The following SLC52A1 variants were observed in gnomAD, a reference collection of about 807,000 sequenced individuals.
SLC52A1 encodes solute carrier family 52 member 1.
Under a neutral mutation model 23.2 loss-of-function variants are expected in SLC52A1, and 20 were observed. That is an observed-to-expected ratio of 0.86 (90% confidence interval 0.61 to 1.25). The LOEUF is 1.25. Ranked by LOEUF, SLC52A1 falls within the 50% of genes most tolerant of loss-of-function variation. SLC52A1 has a pLI of 0.00. For synonymous variants in SLC52A1, 260 were observed against 256.6 expected (o/e 1.01, Z -0.13); for missense variants, 528 against 557.0 (o/e 0.95, Z 0.52).
chr17:5,033,987 C>T lies in SLC52A1; in HGVS notation c.502G>A (p.Gly168Ser), dbSNP rs922011403. The T allele has an allele frequency of 1.2e-5, 20 of 1,613,912 alleles. No individual in the cohort carries two copies. In the African/African-American group the frequency reaches 2.7e-4, roughly 22 times the overall value. ...GGCGCTGGTGGGCACTCGAGGCGGC[C>T]CACACCTTGCACTAGGGCCAGCACA... The part of the protein sequence containing the change: ...PCVLALVQGV[G>S]RLECPPAPTN... The change falls in exon 3 of 5, where the codon GGC (glycine) becomes AGC (serine). Residue 168 changes from glycine to serine, a missense_variant. Physicochemically the swap from Gly to Ser is moderately conservative, Grantham distance 56. Coordinates refer to ENST00000254853, the MANE Select transcript of SLC52A1 (RefSeq NM_017986.4).
chr17:5,033,498 C>T lies in SLC52A1; in HGVS notation c.991G>A (p.Ala331Thr), dbSNP rs184838357. ...SAANPLACFL[A>T]MGVLCRSLAG... The stretch of plus-strand genomic sequence containing the variant: ...TTGCACCTGCACAGCACGCCCATGG[C>T]CAGGAAGCAGGCAAGGGGGTTGGCG... Residue 331 changes from alanine (A) to threonine (T), a missense_variant, in exon 3 of 5, where the codon GCC becomes ACC. Ala to Thr is a moderately conservative substitution (Grantham distance 58). Coordinates refer to ENST00000254853, the MANE Select transcript of SLC52A1 (RefSeq NM_017986.4). 3.7e-6 allele frequency: 6 copies of T among 1,611,940 alleles called. No individual in the cohort carries two copies. Among genetic ancestry groups the T allele is most frequent in the Admixed American group, 1.7e-5 (1 of 59,802 alleles).
At position 5,035,413 on chromosome 17, in the gene SLC52A1, C is replaced by T. The variant is rs989669595; in HGVS notation, c.-660G>A. ...GCACGTCTCTGGTGCCACTTGCAAC[C>T]CTAGCGCTTTTGCGACACTCAGGAC... On this transcript the variant is annotated 5_prime_UTR_variant, in exon 1 of 5. Coordinates refer to ENST00000254853, the MANE Select transcript of SLC52A1 (RefSeq NM_017986.4). The T allele has an allele frequency of 6.6e-6, 1 of 152,338 alleles. No homozygotes were observed. The highest frequency in any genetic ancestry group is 2.4e-5 in the African/African-American group (1 of 41,480). 9.4% of individuals were successfully genotyped at this position (152,338 alleles called of 1,614,324 possible). A position where few individuals can be genotyped will look rare whatever the true frequency, so the allele number is the denominator to read the frequency against.
Position 5,034,575 on chromosome 17 carries a change from A to T in SLC52A1, c.32T>A (p.Leu11Gln). ...AAAAAGGGCCACCAGCAGGTGGGTC[A>T]GCACCAGACGGCCCAGCGTGGGTGC... MAAPTLGRLV[L>Q]THLLVALFGM... Residue 11 changes from leucine (L) to glutamine (Q), a missense_variant, in exon 2 of 5, where the codon CTG becomes CAG. Physicochemically the swap from Leu to Gln is moderately radical, Grantham distance 113. Coordinates refer to ENST00000254853, the MANE Select transcript of SLC52A1 (RefSeq NM_017986.4). 1 of 1,614,250 alleles carries T rather than the reference A, an allele frequency of 6.2e-7. No individual in the cohort carries two copies. Among genetic ancestry groups the T allele is most frequent in the Non-Finnish European group, 8.5e-7 (1 of 1,180,042 alleles).
chr17:5,035,541 G>A (rs977098305), upstream of SLC52A1: 20 of 152,204 alleles, frequency 1.3e-4, no homozygotes, highest in Admixed American at 1.3e-3. Context: ...GGGCATCCCG[G>A]GAGCCGCCAG....
chr17:5,034,384 C>T, intron 2 of SLC52A1, 26 bp from the exon 3 acceptor site: 2 of 1,592,516 alleles, frequency 1.3e-6, no homozygotes, highest in Non-Finnish European at 1.7e-6. Flanking sequence ...GATGCCATGT[C>T]AGGAGCACAG....
chr17:5,038,582 G>T (rs1359723673), upstream of SLC52A1, among the ~76,000 whole-genome samples: 1 of 151,728 alleles, frequency 6.6e-6, no homozygotes, highest in Admixed American at 6.6e-5. Context: ...CATTTATCCA[G>T]CACTTTTCTT....
upstream of SLC52A1, among the ~76,000 whole-genome samples, chr17:5,036,240 G>A (rs1241693755): frequency 6.6e-6 from 1 of 151,072 alleles, no homozygotes; most frequent in Non-Finnish European, 1.5e-5. Context: ...ATGTTAGCTA[G>A]GCTGGTCTTG....
intron 1 of SLC52A1, 21 bp downstream of exon 1, chr17:5,034,840 A>G (rs997646686): frequency 9.0e-6 from 3 of 331,728 alleles, no homozygotes; most frequent in Non-Finnish European, 5.9e-6. Flanking sequence ...CGGGCGGGGA[A>G]GGTGGGGAGC....
In SLC52A1 at chr17:5,033,158, C is replaced by G. The variant is rs762253921; in HGVS notation, c.1146G>C (p.Trp382Cys). 6.2e-7 allele frequency: 1 copy of G among 1,613,560 alleles called. No homozygotes were observed. Among genetic ancestry groups the G allele is most frequent in the Non-Finnish European group, 8.5e-7 (1 of 1,179,686 alleles). Residue 382 changes from tryptophan (W) to cysteine (C), a missense_variant, in exon 5 of 5, where the codon TGG (tryptophan) becomes TGC (cysteine). By Grantham distance (215) the Trp-to-Cys change is radical. Coordinates refer to ENST00000254853, the MANE Select transcript of SLC52A1 (RefSeq NM_017986.4). ...TAGVVLVVLS[W>C]VLCLCVFSYV... is the part of the protein sequence containing the mutation. The stretch of plus-strand genomic sequence containing the variant: ...ATGAGAACACACACAGACACAGCAC[C>G]CACGACAGCACCTGCAAGGGAGGAC...
In SLC52A1 at chr17:5,033,317, C is replaced by G. The variant is rs1453811743; in HGVS notation, c.1078G>C (p.Ala360Pro). 1 of 1,610,484 alleles carries G rather than the reference C, an allele frequency of 6.2e-7. No homozygotes were observed. Among genetic ancestry groups the G allele is most frequent in the Non-Finnish European group, 8.5e-7 (1 of 1,178,212 alleles). The change falls in exon 4 of 5, where the codon GCA becomes CCA. Residue 360 changes from alanine (A) to proline (P), a missense_variant. Physicochemically the swap from Ala to Pro is conservative, Grantham distance 27. Coordinates refer to ENST00000254853, the MANE Select transcript of SLC52A1 (RefSeq NM_017986.4). ...MLFGAYLMAL[A>P]ILSPCPPLVG... is the part of the protein sequence containing the mutation. ...AGGGGTGGGCAGGGGCTCAGGATTGCCAGTGCCATCAGGTAGGCCCCAAAG... is the reference window on the plus strand; with the variant it reads ...AGGGGTGGGCAGGGGCTCAGGATTGGCAGTGCCATCAGGTAGGCCCCAAAG...
upstream of SLC52A1, among the ~76,000 whole-genome samples, chr17:5,038,917 G>T (rs1356851989): frequency 1.3e-5 from 2 of 152,132 alleles, no homozygotes; most frequent in Non-Finnish European, 2.9e-5. Flanking sequence ...TATATGCCAG[G>T]TACTGGCATA....
At chr17:5,042,132 TGCA>T (rs1196441628) in intron 1 of SLC52A1, among the ~76,000 whole-genome samples, 1 of 152,214 alleles carries the variant, frequency 6.6e-6, no homozygotes, top group Admixed American at 6.6e-5. Context: ...AAGACCTCAC[TGCA>T]GCATTTAGCA....
At chr17:5,039,846 A>T (rs1198882900), upstream of SLC52A1, among the ~76,000 whole-genome samples, 3 of 152,212 alleles carry the variant, frequency 2.0e-5, no homozygotes, top group Non-Finnish European at 4.4e-5. Flanking sequence ...AAAATTATAA[A>T]GTGCAGATGC....
upstream of SLC52A1, among the ~76,000 whole-genome samples, chr17:5,036,310 C>T (rs1304893162): frequency 3.3e-5 from 5 of 149,314 alleles, no homozygotes; most frequent in East Asian, 2.0e-4. Context: ...GGATTACAGG[C>T]GTGAGCCACC....
upstream of SLC52A1, among the ~76,000 whole-genome samples, chr17:5,035,918 CTA>C (rs1331804095): frequency 3.2e-5 from 4 of 124,146 alleles, no homozygotes; most frequent in African/African-American, 6.1e-5. Context: ...CAAGGTCTCA[CTA>C]TGTTGCTCAG....
At chr17:5,036,040 C>CTTTTTTTT (rs34027393), upstream of SLC52A1, among the ~76,000 whole-genome samples, 1 of 69,796 alleles carries the variant, frequency 1.4e-5, no homozygotes, top group Non-Finnish European at 2.6e-5. Flanking sequence ...TGTTTTTACA[C>CTTTTTTTT]TTTTTTTTTT....
upstream of SLC52A1, among the ~76,000 whole-genome samples, chr17:5,037,525 C>CG (rs1975486257): frequency 1.3e-5 from 2 of 151,662 alleles, no homozygotes; most frequent in Non-Finnish European, 2.9e-5. Flanking sequence ...TCCACCCCCC[C>CG]AAACAAAAAA....
chr17:5,037,257 C>T (rs1163523893), upstream of SLC52A1, among the ~76,000 whole-genome samples: 3 of 152,188 alleles, frequency 2.0e-5, no homozygotes, highest in Non-Finnish European at 4.4e-5. Flanking sequence ...TGGTGGCTCA[C>T]GCCTGTAATC....
chr17:5,037,007 GA>G (rs199623476), upstream of SLC52A1, among the ~76,000 whole-genome samples: 2 of 150,286 alleles, frequency 1.3e-5, no homozygotes, highest in African/African-American at 2.4e-5. Context: ...TAAATGGTTG[GA>G]AAAAAAAATC....
Sources: allele counts gnomAD v4.1 joint callset (sites outside exome capture counted in the v4.1 genomes callset), GRCh38; gene constraint gnomAD v4.1.1; transcripts MANE v1.5; gene names NCBI Gene and HGNC (gene_info 2026-07-23, HGNC 2026-07-21).